GRID2: variants seen among roughly 807,000 people sequenced by gnomAD.
The protein encoded by GRID2 is glutamate ionotropic receptor delta type subunit 2, also known as glutamate receptor ionotropic, delta-2.
In GRID2, 33 loss-of-function variants were observed where a neutral mutation model predicts 114.8. The observed-to-expected ratio is 0.29, with a 90% CI of 0.22 to 0.38. The LOEUF is 0.38. Among genes scored for constraint, GRID2 ranks in the 10% least tolerant of loss-of-function variants. The probability of loss-of-function intolerance (pLI) is 1.00; values close to 1 mark genes in which losing one functional copy is unlikely to be tolerated. For synonymous variants in GRID2, 505 were observed against 449.9 expected, an observed-to-expected ratio of 1.12 and a Z score of -1.55; for missense variants, 1,184 against 1,257.7, an observed-to-expected ratio of 0.94 and a Z score of 0.89.
chr4:92,423,820 T>G (rs1278180643), intron 1 of GRID2, among the ~76,000 whole-genome samples: 1 of 151,912 alleles, frequency 6.6e-6, no homozygotes, highest in Non-Finnish European at 1.5e-5. Flanking sequence ...AAAGAAATGA[T>G]GATGAAGATG....
intron 3 of GRID2, among the ~76,000 whole-genome samples, chr4:93,101,263 C>T (rs557968179): frequency 6.6e-6 from 1 of 152,132 alleles, no homozygotes; most frequent in South Asian, 2.1e-4. Flanking sequence ...TTTATCTTTG[C>T]AATAGCAGCA....
At chr4:93,629,865 A>G (rs1462754025) in intron 14 of GRID2, among the ~76,000 whole-genome samples, 1 of 152,196 alleles carries the variant, frequency 6.6e-6, no homozygotes, top group Non-Finnish European at 1.5e-5. Flanking sequence ...TATATTTCAT[A>G]GGCACTTTAG....
chr4:93,800,654 A>T (rs1461913985), intron 1 of GRID2, among the ~76,000 whole-genome samples: 2 of 152,330 alleles, frequency 1.3e-5, no homozygotes, highest in East Asian at 1.9e-4. Flanking sequence ...AGATACTTGC[A>T]TGGGTAGTTA....
intron 1 of GRID2, among the ~76,000 whole-genome samples, chr4:92,498,089 A>G (rs761979947): frequency 2.6e-5 from 4 of 151,868 alleles, no homozygotes; most frequent in Non-Finnish European, 5.9e-5. Context: ...GAAGAAGATA[A>G]GGAAGACAAG....
At chr4:93,475,650 G>A (rs1411112339) in intron 11 of GRID2, among the ~76,000 whole-genome samples, 2 of 152,036 alleles carry the variant, frequency 1.3e-5, no homozygotes, top group Non-Finnish European at 2.9e-5. Flanking sequence ...ACCAACCTCA[G>A]AAATTCCAAA....
In GRID2 at chr4:92,697,686, T is replaced by C. The variant is rs906177548; in HGVS notation, c.244+107400T>C. On this transcript the variant is annotated intron_variant, in intron 2 of 15. Transcript: ENST00000282020. The stretch of plus-strand genomic sequence containing the variant: ...GCCATAGGTAAGGATAGTCTTACAA[T>C]TTGGAAAGGCAAAAAAATAGAAAAA... Among the ~76,000 whole-genome samples the C allele has an allele frequency of 3.3e-5, 5 of 151,952 alleles. No individual in the cohort carries two copies. The South Asian group carries it at 1.0e-3, about 31-fold the overall frequency.
At chr4:93,686,167 G>A (rs1255659687) in intron 14 of GRID2, among the ~76,000 whole-genome samples, 1 of 151,802 alleles carries the variant, frequency 6.6e-6, no homozygotes, top group African/African-American at 2.4e-5. Flanking sequence ...TTAGTTCACC[G>A]AATTCATCTT....
intron 1 of GRID2, among the ~76,000 whole-genome samples, chr4:92,449,710 T>TATATATATATATATATATATAA (rs1266661271): frequency 1.5e-5 from 2 of 131,716 alleles, no homozygotes; most frequent in Admixed American, 7.9e-5. Flanking sequence ...TATATATATA[T>TATATATATATATATATATATAA]AACACTTAAG....
At chr4:93,184,245 T>G (rs1344328103) in intron 4 of GRID2, among the ~76,000 whole-genome samples, 1 of 152,120 alleles carries the variant, frequency 6.6e-6, no homozygotes, top group Non-Finnish European at 1.5e-5. Flanking sequence ...AAATAAATGA[T>G]GTAGAATGGC....
intron 1 of GRID2, among the ~76,000 whole-genome samples, chr4:92,572,000 A>C (rs1727646625): frequency 6.6e-6 from 1 of 152,114 alleles, no homozygotes; most frequent in South Asian, 2.1e-4. Flanking sequence ...AAACACATTC[A>C]AAAGCTAGCA....
rs891448303 is a variant in GRID2, at chr4:93,680,966, A to C, written c.2360+54531A>C. ...AGGAGAAGGAAATATAAGGTATTCA[A>C]TTAGGAAAAGAGGAAGTCCAATTGT... On this transcript the variant is annotated intron_variant, in intron 14 of 15. Transcript: ENST00000282020. Among the ~76,000 whole-genome samples, 9 of 151,386 alleles carry C rather than the reference A, an allele frequency of 5.9e-5. 1 individual carries two copies. Among genetic ancestry groups the C allele is most frequent in the African/African-American group, 1.7e-4 (7 of 40,840 alleles).
At chr4:93,022,224 A>C (rs1174453490) in intron 2 of GRID2, among the ~76,000 whole-genome samples, 2 of 151,914 alleles carry the variant, frequency 1.3e-5, no homozygotes, top group African/African-American at 2.4e-5. Flanking sequence ...ACACAAACAC[A>C]CACATATATA....
intron 9 of GRID2, among the ~76,000 whole-genome samples, chr4:93,399,536 G>A (rs1201884341): frequency 6.6e-6 from 1 of 152,102 alleles, no homozygotes; most frequent in East Asian, 1.9e-4. Flanking sequence ...TCAACAAGGA[G>A]TGTTGAATCA....
At chr4:93,126,622 G>C (rs1403829995) in intron 4 of GRID2, among the ~76,000 whole-genome samples, 3 of 106,066 alleles carry the variant, frequency 2.8e-5, no homozygotes, top group Admixed American at 2.7e-4. Flanking sequence ...TTTTGAGACG[G>C]AGTCTCGCTC....
chr4:92,414,322 A>C (rs1282021677), intron 1 of GRID2, among the ~76,000 whole-genome samples: 1 of 152,228 alleles, frequency 6.6e-6, no homozygotes, highest in East Asian at 1.9e-4. Context: ...GATGCACAGA[A>C]TCTGTGGGCA....
intron 1 of GRID2, among the ~76,000 whole-genome samples, chr4:92,462,825 T>C (rs1483206112): frequency 1.3e-5 from 2 of 151,992 alleles, no homozygotes; most frequent in Non-Finnish European, 2.9e-5. Flanking sequence ...TACATGTGGC[T>C]ACTCAACTAT....
chr4:93,698,918 C>G (rs369925504), intron 14 of GRID2, among the ~76,000 whole-genome samples: 1 of 151,992 alleles, frequency 6.6e-6, no homozygotes. Flanking sequence ...GAGATAATTC[C>G]TCTGTCTTCC....
intron 1 of GRID2, among the ~76,000 whole-genome samples, chr4:92,348,071 T>C (rs1214008817): frequency 1.3e-5 from 2 of 152,186 alleles, no homozygotes; most frequent in Non-Finnish European, 2.9e-5. Flanking sequence ...TACTCCTTCC[T>C]CAGCCTCCCA....
chr4:92,943,287 C>T (rs1289411544), intron 2 of GRID2, among the ~76,000 whole-genome samples: 1 of 152,064 alleles, frequency 6.6e-6, no homozygotes, highest in Non-Finnish European at 1.5e-5. Flanking sequence ...TCTTTTTTCT[C>T]TGAACTTCTC....
Sources: gnomAD v4.1 joint callset for allele counts (sites outside exome capture counted in the v4.1 genomes callset) on GRCh38, gnomAD v4.1.1 for gene constraint, MANE v1.5 for transcripts, NCBI Gene and HGNC (gene_info 2026-07-23, HGNC 2026-07-21) for gene names.